Variants in FBXL7 observed in about 807,000 individuals in gnomAD.
FBXL7 encodes the protein F-box/LRR-repeat protein 7.
Under a neutral mutation model 38.3 loss-of-function variants are expected in FBXL7, and 12 were observed. The ratio of observed to expected loss-of-function variants is 0.31; its 90% CI spans 0.20 to 0.51. FBXL7 has a LOEUF of 0.51. FBXL7 is among the 20% of genes least tolerant of loss of function. The pLI is 0.98. For missense variants in FBXL7, 567 were observed against 676.4 expected, an observed-to-expected ratio of 0.84 and a Z score of 1.79; for synonymous variants, 297 against 300.9, an observed-to-expected ratio of 0.99 and a Z score of 0.13.
chr5:15,515,333 CAAAA>C (rs1332762744), intron 1 of FBXL7, among the ~76,000 whole-genome samples: 1 of 152,130 alleles, frequency 6.6e-6, no homozygotes, highest in Non-Finnish European at 1.5e-5. Context: ...AGCTAGCTGG[CAAAA>C]GAACAAAAAA....
At chr5:15,703,850 C>T (rs948874425) in intron 2 of FBXL7, among the ~76,000 whole-genome samples, 11 of 152,134 alleles carry the variant, frequency 7.2e-5, no homozygotes, top group Admixed American at 3.3e-4. Context: ...AAGCACATAG[C>T]ATTAATGAAC....
chr5:15,847,253 A>T (rs1289854999), intron 2 of FBXL7, among the ~76,000 whole-genome samples: 1 of 152,194 alleles, frequency 6.6e-6, no homozygotes, highest in African/African-American at 2.4e-5. Flanking sequence ...AGGCCTCAGG[A>T]AACTTACAGT....
chr5:15,679,534 T>C (rs1196295482), intron 2 of FBXL7, among the ~76,000 whole-genome samples: 1 of 149,962 alleles, frequency 6.7e-6, no homozygotes, highest in African/African-American at 2.4e-5. Flanking sequence ...TTGGGGACTA[T>C]TAGCAGCCAT....
intron 2 of FBXL7, among the ~76,000 whole-genome samples, chr5:15,820,356 T>A (rs1025429435): frequency 6.6e-6 from 1 of 152,122 alleles, no homozygotes; most frequent in African/African-American, 2.4e-5. Context: ...CAGCACCTGA[T>A]CTGGATCCCA....
intron 2 of FBXL7, among the ~76,000 whole-genome samples, chr5:15,617,171 A>G (rs1740479253): frequency 6.6e-6 from 1 of 152,190 alleles, no homozygotes; most frequent in Admixed American, 6.5e-5. Flanking sequence ...TCAAGTAGCA[A>G]AGAATTACCT....
intron 1 of FBXL7, among the ~76,000 whole-genome samples, chr5:15,601,990 CAG>C (rs1027052543): frequency 3.3e-5 from 5 of 152,186 alleles, no homozygotes; most frequent in African/African-American, 1.2e-4. Flanking sequence ...AAAAGAGACA[CAG>C]AGGCACACAG....
At chr5:15,596,469 C>T (rs759322058) in intron 1 of FBXL7, among the ~76,000 whole-genome samples, 4 of 151,988 alleles carry the variant, frequency 2.6e-5, no homozygotes, top group Non-Finnish European at 5.9e-5. Context: ...TCAAGACAAG[C>T]CTGGGTAACA....
chr5:15,656,142 T>G (rs565602245), intron 2 of FBXL7, among the ~76,000 whole-genome samples: 2 of 152,378 alleles, frequency 1.3e-5, no homozygotes, highest in East Asian at 3.9e-4. Flanking sequence ...CAATAGAAAC[T>G]GGAACTATCT....
intron 1 of FBXL7, among the ~76,000 whole-genome samples, chr5:15,512,580 A>G (rs546475662): frequency 5.9e-5 from 9 of 152,306 alleles, no homozygotes; most frequent in African/African-American, 2.2e-4. Context: ...CTCTGGACAT[A>G]TGTCTTTTTC....
chr5:15,641,114 T>C (rs528327901), intron 2 of FBXL7, among the ~76,000 whole-genome samples: 123 of 152,310 alleles, frequency 8.1e-4, no homozygotes, highest in African/African-American at 2.8e-3. Flanking sequence ...AAAGAATTGC[T>C]ACACTCTCCA....
At chr5:15,602,288 C>G (rs77562351) in intron 1 of FBXL7, 3 of 151,654 alleles carry the variant, frequency 2.0e-5, no homozygotes, top group African/African-American at 7.3e-5. Context: ...GTAGGTAGTT[C>G]GGAGGTTCTA....
intron 2 of FBXL7, among the ~76,000 whole-genome samples, chr5:15,772,135 G>C (rs1736746257): frequency 6.6e-6 from 1 of 152,070 alleles, no homozygotes; most frequent in South Asian, 2.1e-4. Context: ...TGGATCAACT[G>C]TGCTCCAAAA....
chr5:15,897,128 A>C (rs780898017), intron 2 of FBXL7, among the ~76,000 whole-genome samples: 9 of 152,096 alleles, frequency 5.9e-5, no homozygotes, highest in Non-Finnish European at 1.3e-4. Context: ...GTGAGACTCT[A>C]TCTCTCTCTA....
At chr5:15,768,210 C>A (rs1343826071) in intron 2 of FBXL7, among the ~76,000 whole-genome samples, 1 of 152,070 alleles carries the variant, frequency 6.6e-6, no homozygotes, top group Non-Finnish European at 1.5e-5. Flanking sequence ...ATTCTAAAGG[C>A]AGGTAGATAC....
chr5:15,802,373 A>G (rs1372434935), intron 2 of FBXL7, among the ~76,000 whole-genome samples: 2 of 151,034 alleles, frequency 1.3e-5, no homozygotes, highest in Non-Finnish European at 3.0e-5. Context: ...CTGTATGACC[A>G]CCCCCACCCC....
chr5:15,886,755 G>C (rs1008822021), intron 2 of FBXL7, among the ~76,000 whole-genome samples: 3 of 152,176 alleles, frequency 2.0e-5, no homozygotes, highest in Non-Finnish European at 4.4e-5. Context: ...AATAAAATCT[G>C]ACAAAACTTT....
rs143172109 is a variant in FBXL7 at position 15,652,691 on chromosome 5, C to T, written c.127+36619C>T. ...TCCCATCACTTGAATACTTAGAAGC[C>T]ATGATAGGGTTATTAATTGGCTGGA... On this transcript the variant is annotated intron_variant, in intron 2 of 3. Coordinates refer to ENST00000504595, the MANE Select transcript of FBXL7 (RefSeq NM_012304.5). 3.2e-3 allele frequency among the ~76,000 whole-genome samples: 489 copies of T among 152,252 alleles called. 2 individuals carry two copies. The highest frequency in any genetic ancestry group is 0.011 in the African/African-American group (465 of 41,530).
At chr5:15,915,338 G>A (rs917373873) in intron 2 of FBXL7, among the ~76,000 whole-genome samples, 15 of 152,224 alleles carry the variant, frequency 9.9e-5, no homozygotes, top group African/African-American at 2.9e-4. Context: ...AAACCAAGGT[G>A]TTGACAGAGA....
chr5:15,800,882 A>G (rs530728081), intron 2 of FBXL7, among the ~76,000 whole-genome samples: 8 of 152,176 alleles, frequency 5.3e-5, no homozygotes, highest in Non-Finnish European at 8.8e-5. Context: ...TGTTTTGGGG[A>G]ATGTGTCAGT....
Sources: allele counts gnomAD v4.1 joint callset (sites outside exome capture counted in the v4.1 genomes callset), GRCh38; gene constraint gnomAD v4.1.1; transcripts MANE v1.5; gene names NCBI Gene and HGNC (gene_info 2026-07-23, HGNC 2026-07-21).